Variants in TUBB6 observed in about 807,000 individuals in gnomAD.
The protein encoded by TUBB6 is tubulin beta 6 class V, also known as tubulin beta-6 chain.
Under a neutral mutation model 32.3 loss-of-function variants are expected in TUBB6, and 18 were observed. The ratio of observed to expected loss-of-function variants is 0.56; its 90% CI spans 0.39 to 0.83. TUBB6 has a LOEUF of 0.83. Ranked by LOEUF, TUBB6 falls within the 40% of genes least tolerant of loss-of-function variation. The probability of loss-of-function intolerance (pLI) is 0.00; values close to 1 mark genes in which losing one functional copy is unlikely to be tolerated. For synonymous variants in TUBB6, 280 were observed against 265.8 expected (o/e 1.05, Z -0.52); for missense variants, 480 against 632.0 (o/e 0.76, Z 2.58).
intron 2 of TUBB6, among the ~76,000 whole-genome samples, 157 bp downstream of exon 2, chr18:12,308,952 C>G (rs993798615): frequency 1.3e-5 from 2 of 152,218 alleles, no homozygotes; most frequent in East Asian, 3.9e-4. Flanking sequence ...GGAAATCCGC[C>G]GTCAGTTTAT....
intron 3 of TUBB6, among the ~76,000 whole-genome samples, chr18:12,315,893 T>G (rs758537688): frequency 6.6e-6 from 1 of 152,204 alleles, no homozygotes; most frequent in African/African-American, 2.4e-5. Context: ...GGGTAGTAGG[T>G]GTGTAGAGAT....
Position 12,326,175 on chromosome 18 carries a change from C to T in TUBB6, c.*45C>T, listed in dbSNP as rs569370192. Reference sequence around the variant, plus strand: ...ACTCAGATCCTACAACACGCAAGTTCCTTCTTGAACCCTGGTGCCTCCTAC... The same window carrying T: ...ACTCAGATCCTACAACACGCAAGTTTCTTCTTGAACCCTGGTGCCTCCTAC... On this transcript the variant is annotated 3_prime_UTR_variant, in exon 4 of 4. Coordinates refer to ENST00000317702, the MANE Select transcript of TUBB6 (RefSeq NM_032525.3). 2.4e-5 allele frequency: 37 copies of T among 1,572,282 alleles called. No homozygotes were observed. In the East Asian group the frequency reaches 7.4e-4, roughly 32 times the overall value.
chr18:12,321,380 T>A (rs184503322), intron 3 of TUBB6, among the ~76,000 whole-genome samples: 1 of 152,192 alleles, frequency 6.6e-6, no homozygotes, highest in Non-Finnish European at 1.5e-5. Context: ...GCACTTGTTA[T>A]GTACTGCAGA....
intron 3 of TUBB6, among the ~76,000 whole-genome samples, chr18:12,319,377 T>C (rs967165423): frequency 6.6e-6 from 1 of 152,010 alleles, no homozygotes; most frequent in Non-Finnish European, 1.5e-5. Context: ...ACTCCTGACC[T>C]CAGGTGATCC....
chr18:12,325,712 G>A lies in TUBB6; in HGVS notation c.923G>A (p.Gly308Asp). ...NMMAACDPRHGRYLTVATVFR... is the reference protein window; with the variant it reads ...NMMAACDPRHDRYLTVATVFR... ...ATGGCCGCCTGCGATCCGCGCCATG[G>A]CCGCTACCTGACCGTGGCCACCGTG... The change falls in exon 4 of 4, where the codon GGC (glycine) becomes GAC (aspartate). Residue 308 changes from glycine (G) to aspartate (D), a missense_variant. By Grantham distance (94) the Gly-to-Asp change is moderately conservative (BLOSUM62 -1). Coordinates refer to ENST00000317702, the MANE Select transcript of TUBB6 (RefSeq NM_032525.3). The A allele has an allele frequency of 1.9e-6, 3 of 1,614,210 alleles. No individual in the cohort carries two copies. The highest frequency in any genetic ancestry group is 1.3e-5 in the African/African-American group (1 of 75,066).
chr18:12,325,957 C>T lies in TUBB6; in HGVS notation c.1168C>T (p.Arg390Trp), dbSNP rs770131649. ...CTCCGAGCAGTTCTCAGCCATGTTC[C>T]GGCGCAAGGCCTTCCTGCACTGGTT... Reference protein sequence around the residue: ...RISEQFSAMFRRKAFLHWFTG... With the variant: ...RISEQFSAMFWRKAFLHWFTG... Residue 390 changes from arginine (R) to tryptophan (W), a missense_variant, in exon 4 of 4, where the codon CGG becomes TGG. Arg to Trp is a moderately radical substitution (Grantham distance 101). Coordinates refer to ENST00000317702, the MANE Select transcript of TUBB6 (RefSeq NM_032525.3). 3 of 1,614,064 alleles carry T rather than the reference C, an allele frequency of 1.9e-6. No individual in the cohort carries two copies. Among genetic ancestry groups the T allele is most frequent in the East Asian group, 4.5e-5 (2 of 44,886 alleles).
rs1483966152 is a variant in TUBB6 at position 12,308,321 on chromosome 18, G to T, written c.29G>T (p.Gly10Val). 6.7e-7 allele frequency: 1 copy of T among 1,482,278 alleles called. No individual in the cohort carries two copies. Among genetic ancestry groups the T allele is most frequent in the Non-Finnish European group, 9.0e-7 (1 of 1,112,090 alleles). 91.8% of individuals were successfully genotyped at this position (1,482,278 alleles called of 1,614,324 possible). A position where few individuals can be genotyped will look rare whatever the true frequency, so the allele number is the denominator to read the frequency against. ...AGGGAGATCGTGCACATCCAGGCGG[G>T]CCAGTGCGGGAACCAGATCGGCACC... MREIVHIQA[G>V]QCGNQIGTKF... The change falls in exon 1 of 4, where the codon GGC becomes GTC. Residue 10 changes from glycine to valine, a missense_variant. Physicochemically the swap from Gly to Val is moderately radical, Grantham distance 109. Coordinates refer to ENST00000317702, the MANE Select transcript of TUBB6 (RefSeq NM_032525.3).
chr18:12,324,753 T>G (rs1289286956), intron 3 of TUBB6: 4 of 1,258,386 alleles, frequency 3.2e-6, no homozygotes, highest in Non-Finnish European at 4.0e-6. Flanking sequence ...GCCCGGCCAG[T>G]AACTTATTTT....
chr18:12,320,412 T>C (rs1906927957), intron 3 of TUBB6: 1 of 152,212 alleles, frequency 6.6e-6, no homozygotes, highest in South Asian at 2.1e-4. Flanking sequence ...TTTTTCATTT[T>C]GCTAGCTAGC....
In TUBB6 at chr18:12,308,255, T is replaced by TCC; in HGVS notation, c.-37_-36dup. On this transcript the variant is annotated 5_prime_UTR_variant, in exon 1 of 4. Transcript: ENST00000317702. ...AGCCGGCCCGCAGTTGCCGCTGTCG[T>TCC]CCGCAGAGCCAGTTCCTAGCGCAGA... The TCC allele has an allele frequency of 7.2e-7, 1 of 1,386,870 alleles. No homozygotes were observed. The highest frequency in any genetic ancestry group is 1.5e-5 in the South Asian group (1 of 66,406). 85.9% of individuals were successfully genotyped at this position (1,386,870 alleles called of 1,614,324 possible). A position where few individuals can be genotyped will look rare whatever the true frequency, so the allele number is the denominator to read the frequency against.
chr18:12,319,287 G>C (rs1906849640), intron 3 of TUBB6, among the ~76,000 whole-genome samples: 1 of 151,956 alleles, frequency 6.6e-6, no homozygotes, highest in African/African-American at 2.4e-5. Flanking sequence ...GGGATTACAG[G>C]CACCTGCCAC....
rs1159451038 is a variant in TUBB6, at chr18:12,308,682, C to T, written c.58-5C>T. ...CGTCTGTCCCCCCGCCTTGCCCTGC[C>T]CAAGTTTTGGGAAGTGATCAGCGAT... On this transcript the variant is annotated splice_polypyrimidine_tract_variant and splice_region_variant and intron_variant, in intron 1 of 3. Transcript: ENST00000317702. 6 of 1,602,046 alleles carry T rather than the reference C, an allele frequency of 3.7e-6. No homozygotes were observed. In the South Asian group the frequency reaches 5.5e-5, roughly 15 times the overall value.
intron 3 of TUBB6, among the ~76,000 whole-genome samples, chr18:12,316,109 C>T (rs1281036392): frequency 6.6e-6 from 1 of 152,214 alleles, no homozygotes. Context: ...CCGAGGAGGC[C>T]TCACCCACCA....
intron 2 of TUBB6, 128 bp downstream of exon 2, chr18:12,308,923 C>A (rs1906185354): frequency 3.0e-6 from 2 of 657,858 alleles, no homozygotes; most frequent in Non-Finnish European, 5.6e-6. Flanking sequence ...CCGGCCACTC[C>A]CTTCGCTCCT....
intron 3 of TUBB6, among the ~76,000 whole-genome samples, chr18:12,322,423 T>C (rs1265345114): frequency 5.3e-5 from 8 of 151,928 alleles, no homozygotes; most frequent in African/African-American, 1.9e-4. Flanking sequence ...AGCACAATCT[T>C]GGCTCACTGC....
intron 3 of TUBB6, among the ~76,000 whole-genome samples, chr18:12,322,835 C>T (rs1220928152): frequency 3.3e-5 from 5 of 152,184 alleles, no homozygotes; most frequent in South Asian, 4.1e-4. Flanking sequence ...ACATTTAATA[C>T]TTTGTAATCA....
At chr18:12,308,224 G>C (rs1025338264), upstream of TUBB6, 5 of 1,204,614 alleles carry the variant, frequency 4.2e-6, no homozygotes, top group African/African-American at 1.6e-5. Flanking sequence ...GCCCCGGGAC[G>C]CGCGCAGCCG....
chr18:12,315,193 ATCCATAATTTTTAATAGC>A (rs2144140355), intron 3 of TUBB6, among the ~76,000 whole-genome samples: 1 of 152,340 alleles, frequency 6.6e-6, no homozygotes, highest in East Asian at 1.9e-4. Context: ...AGTTTCTAAA[ATCCATAATTTTTAATAGC>A]TCCATAATGT....
At chr18:12,321,669 CA>C (rs1229589991) in intron 3 of TUBB6, among the ~76,000 whole-genome samples, 1 of 152,078 alleles carries the variant, frequency 6.6e-6, no homozygotes, top group Admixed American at 6.5e-5. Context: ...CGTGTGTAGA[CA>C]AAAGTCAAGT....
Sources: allele counts gnomAD v4.1 joint callset (sites outside exome capture counted in the v4.1 genomes callset), GRCh38; gene constraint gnomAD v4.1.1; transcripts MANE v1.5; gene names NCBI Gene and HGNC (gene_info 2026-07-23, HGNC 2026-07-21).